The following PACRGL variants were observed in gnomAD, a reference collection of about 807,000 sequenced individuals.
The protein encoded by PACRGL is PACRG-like protein.
In PACRGL, 38 loss-of-function variants were observed where a neutral mutation model predicts 34.5. The observed-to-expected ratio is 1.10, with a 90% CI of 0.85 to 1.44. The LOEUF is 1.44. Ranked by LOEUF, PACRGL falls within the 40% of genes most tolerant of loss-of-function variation. The pLI, the probability that PACRGL is intolerant of heterozygous loss-of-function variation, is 0.00. For synonymous variants in PACRGL, 128 were observed against 100.1 expected (o/e 1.28, Z -1.66); for missense variants, 305 against 281.4 (o/e 1.08, Z -0.60).
At chr4:20,734,014 A>G (rs1029808527), downstream of PACRGL, among the ~76,000 whole-genome samples, 1 of 152,190 alleles carries the variant, frequency 6.6e-6, no homozygotes, top group Non-Finnish European at 1.5e-5. Context: ...GAGACAGGAC[A>G]TAGGCACACT....
downstream of PACRGL, chr4:20,732,709 G>A (rs928176600): frequency 6.2e-7 from 1 of 1,611,724 alleles, no homozygotes; most frequent in Admixed American, 1.7e-5. Context: ...GTGTTGTCTG[G>A]GAGCATCTTC....
At chr4:20,727,205 AG>A in intron 8 of PACRGL, 79 bp from the exon 9 acceptor site, 1 of 1,243,848 alleles carries the variant, frequency 8.0e-7, no homozygotes, top group Non-Finnish European at 1.2e-6. Context: ...GATACTTTCT[AG>A]GCATATTCCT....
At chr4:20,712,266 C>A (rs1161056879) in intron 5 of PACRGL, among the ~76,000 whole-genome samples, 1 of 106,070 alleles carries the variant, frequency 9.4e-6, no homozygotes, top group Non-Finnish European at 2.1e-5. Flanking sequence ...TTTTTTTTTT[C>A]TTCTCCCTTC....
At chr4:20,711,153 CA>C (rs1736986759) in intron 5 of PACRGL, among the ~76,000 whole-genome samples, 1 of 151,844 alleles carries the variant, frequency 6.6e-6, no homozygotes, top group Non-Finnish European at 1.5e-5. Flanking sequence ...AACCAGGTAG[CA>C]AACCATGTTT....
chr4:20,699,420 A>G (rs1731478016), upstream of PACRGL, among the ~76,000 whole-genome samples: 1 of 152,220 alleles, frequency 6.6e-6, no homozygotes, highest in Non-Finnish European at 1.5e-5. Flanking sequence ...CATAGACAGA[A>G]TTTATTAATT....
chr4:20,760,060 T>A, the PACRGL span, among the ~76,000 whole-genome samples: 1 of 152,158 alleles, frequency 6.6e-6, no homozygotes, highest in Non-Finnish European at 1.5e-5. Context: ...GCGACTATAT[T>A]TATTGACAAA....
At chr4:20,756,051 G>C (rs1195539315), downstream of PACRGL, among the ~76,000 whole-genome samples, 2 of 152,096 alleles carry the variant, frequency 1.3e-5, no homozygotes, top group Admixed American at 1.3e-4. Flanking sequence ...GGATCACTCT[G>C]ACTCATTTTA....
At chr4:20,737,860 C>T (rs1210497256) in intron 8 of PACRGL, among the ~76,000 whole-genome samples, 3 of 152,312 alleles carry the variant, frequency 2.0e-5, no homozygotes, top group East Asian at 1.9e-4. Context: ...GGCTGGGGAT[C>T]ATGGCTCATG....
In PACRGL at chr4:20,728,182, C is replaced by CTAAT. The variant is rs1213717990; in HGVS notation, c.*843_*846dup. The CTAAT allele has an allele frequency of 1.3e-5, 2 of 151,850 alleles. No individual in the cohort carries two copies. The highest frequency in any genetic ancestry group is 6.6e-5 in the Admixed American group (1 of 15,254). The allele number at this position is 151,850 out of a possible 1,614,324, so 9.4% of individuals were successfully genotyped here. A position where few individuals can be genotyped will look rare whatever the true frequency, so the allele number is the denominator to read the frequency against. On this transcript the variant is annotated 3_prime_UTR_variant, in exon 9 of 9. Coordinates refer to ENST00000503585, the MANE Select transcript of PACRGL (RefSeq NM_001258345.3). ...AGTATTCTAGTTTAAAAAATTTTTTCTAATTCTGTAAATTCTATTACAAGT... is the reference window on the plus strand; with the variant it reads ...AGTATTCTAGTTTAAAAAATTTTTTCTAATTAATTCTGTAAATTCTATTACAAGT...
rs1398636483 is a variant in PACRGL, at chr4:20,729,460, C to A, written c.*2119C>A. 2 of 123,440 alleles carry A rather than the reference C, an allele frequency of 1.6e-5. No homozygotes were observed. The highest frequency in any genetic ancestry group is 3.7e-5 in the Non-Finnish European group (2 of 54,438). 7.6% of individuals were successfully genotyped at this position (123,440 alleles called of 1,614,324 possible). A position where few individuals can be genotyped will look rare whatever the true frequency, so the allele number is the denominator to read the frequency against. ...AGTTTTATTAGGCATATGCTGATAT[C>A]TGATAATAAACTAATTTTTAAATGT... On this transcript the variant is annotated 3_prime_UTR_variant, in exon 9 of 9. Coordinates refer to ENST00000503585, the MANE Select transcript of PACRGL (RefSeq NM_001258345.3).
Position 20,729,001 on chromosome 4 carries a change from C to T in PACRGL, c.*1660C>T, listed in dbSNP as rs1379314005. On this transcript the variant is annotated 3_prime_UTR_variant, in exon 9 of 9. Transcript: ENST00000503585. ...GTTGAGCACTTATTTTCTACTAAAT[C>T]TTGGTAGTAGTTGTCAATGTAATGG... 1 of 152,218 alleles carries T rather than the reference C, an allele frequency of 6.6e-6. No homozygotes were observed. The allele number at this position is 152,218 out of a possible 1,614,324, so 9.4% of individuals were successfully genotyped here. A position where few individuals can be genotyped will look rare whatever the true frequency, so the allele number is the denominator to read the frequency against.
the PACRGL span, among the ~76,000 whole-genome samples, chr4:20,763,990 T>G: frequency 6.6e-6 from 1 of 152,070 alleles, no homozygotes; most frequent in Non-Finnish European, 1.5e-5. Flanking sequence ...GAGCATGAAT[T>G]TTTTCATTAG....
At chr4:20,709,840 T>A in intron 5 of PACRGL, 67 bp downstream of exon 5, 1 of 1,323,210 alleles carries the variant, frequency 7.6e-7, no homozygotes, top group Non-Finnish European at 1.1e-6. Context: ...AATGCTACTT[T>A]GTAGCTTGTC....
At chr4:20,739,389 A>C (rs1236994134) in intron 8 of PACRGL, among the ~76,000 whole-genome samples, 1 of 152,224 alleles carries the variant, frequency 6.6e-6, no homozygotes, top group Non-Finnish European at 1.5e-5. Context: ...AAGCTTCCAG[A>C]GGAAGGATCA....
downstream of PACRGL, chr4:20,734,789 A>G (rs1749180601): frequency 2.9e-6 from 3 of 1,045,372 alleles, no homozygotes; most frequent in South Asian, 3.0e-5. Context: ...AAACAAAAAC[A>G]AAAAAAACAA....
At chr4:20,755,553 T>A (rs549833605), downstream of PACRGL, among the ~76,000 whole-genome samples, 4 of 152,292 alleles carry the variant, frequency 2.6e-5, no homozygotes, top group East Asian at 7.8e-4. Context: ...AGAAATCCTC[T>A]GTTCCCCTGG....
rs1435229406 is a variant in PACRGL, at chr4:20,713,542, A to T, written c.609+3A>T. On this transcript the variant is annotated splice_donor_region_variant and intron_variant, in intron 7 of 8. Transcript: ENST00000503585. Reference sequence around the variant, plus strand: ...ATCTGAAGCATCTGCTTACAAGCGTAAGTACTGCAAAGATTAGATAATGAT... The same window carrying T: ...ATCTGAAGCATCTGCTTACAAGCGTTAGTACTGCAAAGATTAGATAATGAT... 9 of 1,587,270 alleles carry T rather than the reference A, an allele frequency of 5.7e-6. No homozygotes were observed. The Admixed American group carries it at 1.5e-4, about 27-fold the overall frequency.
chr4:20,702,091 T>C (rs954452696), intron 1 of PACRGL: 4 of 448,900 alleles, frequency 8.9e-6, no homozygotes, highest in Non-Finnish European at 1.3e-5. Flanking sequence ...AAATGAGTTT[T>C]GGTGACTTTT....
chr4:20,696,318 A>G (rs1324357284), upstream of PACRGL: 1 of 152,182 alleles, frequency 6.6e-6, no homozygotes, highest in Non-Finnish European at 1.5e-5. Flanking sequence ...CCTCCTGGAT[A>G]GTTAAGAGGA....
Sources: allele counts gnomAD v4.1 joint callset (sites outside exome capture counted in the v4.1 genomes callset), GRCh38; gene constraint gnomAD v4.1.1; transcripts MANE v1.5; gene names NCBI Gene and HGNC (gene_info 2026-07-23, HGNC 2026-07-21).